Variants in LIMS1 observed in about 807,000 individuals in gnomAD.
LIMS1 encodes the protein LIM zinc finger domain containing 1, also known as LIM and senescent cell antigen-like-containing domain protein 1.
A neutral mutation model predicts 44.1 loss-of-function variants in LIMS1; 18 were observed. That is an observed-to-expected ratio of 0.41 (90% CI 0.28 to 0.61). LIMS1 has a LOEUF of 0.61. LIMS1 is among the 20% of genes least tolerant of loss of function. The pLI, the probability that LIMS1 is intolerant of heterozygous loss-of-function variation, is 0.32. For missense variants in LIMS1, 201 were observed against 422.0 expected (o/e 0.48, Z 4.59); for synonymous variants, 93 against 149.1 (o/e 0.62, Z 2.74).
At position 108,614,185 on chromosome 2, in the gene LIMS1, G is replaced by A. The variant is rs981677189; in HGVS notation, c.33-45420G>A. 2.6e-5 allele frequency among the ~76,000 whole-genome samples: 4 copies of A among 152,252 alleles called. No homozygotes were observed. In the South Asian group the frequency reaches 6.2e-4, roughly 24 times the overall value. On this transcript the variant is annotated intron_variant, in intron 1 of 9. Coordinates refer to ENST00000544547, the Ensembl canonical transcript of LIMS1. ...CTTTTTTCTCATCCGCTTTAAACCT[G>A]TGTTCCCGGTTTGGAAGGCCCATGC...
intron 9 of LIMS1, chr2:108,681,744 G>C: frequency 4.5e-6 from 1 of 222,596 alleles, no homozygotes; most frequent in Non-Finnish European, 7.5e-6. Context: ...TACATGCCTA[G>C]ACCCCATCCG....
exon 10 of LIMS1, chr2:108,687,169 T>G (rs1693357001): frequency 6.6e-6 from 1 of 152,234 alleles, no homozygotes; most frequent in Non-Finnish European, 1.5e-5. Context: ...GATACTATAT[T>G]GGTAATTATG....
At chr2:108,591,789 G>GTT (rs935084572) in intron 1 of LIMS1, among the ~76,000 whole-genome samples, 5 of 91,356 alleles carry the variant, frequency 5.5e-5, no homozygotes, top group African/African-American at 1.4e-4. Flanking sequence ...AATGTTTTTA[G>GTT]TTTTTTTTTT....
intron 1 of LIMS1, among the ~76,000 whole-genome samples, chr2:108,657,001 GTTAATA>G (rs1261727173): frequency 1.3e-5 from 1 of 76,838 alleles, no homozygotes; most frequent in Non-Finnish European, 2.6e-5. Flanking sequence ...AATAGTAAAT[GTTAATA>G]TTAATGTTGT....
At chr2:108,608,338 C>T (rs1024696168) in intron 1 of LIMS1, among the ~76,000 whole-genome samples, 1 of 149,616 alleles carries the variant, frequency 6.7e-6, no homozygotes, top group Non-Finnish European at 1.5e-5. Flanking sequence ...CGGTGTCTCG[C>T]TCTGTCACTC....
At chr2:108,586,555 G>A (rs1686112955) in intron 1 of LIMS1, among the ~76,000 whole-genome samples, 1 of 152,212 alleles carries the variant, frequency 6.6e-6, no homozygotes, top group Non-Finnish European at 1.5e-5. Context: ...AGACCTTCAA[G>A]CATGGTACGT....
chr2:108,609,986 C>CA (rs1472946354), intron 1 of LIMS1, among the ~76,000 whole-genome samples: 2 of 152,010 alleles, frequency 1.3e-5, no homozygotes, highest in East Asian at 1.9e-4. Flanking sequence ...ACTAAAAATA[C>CA]AAAAAAATTT....
At chr2:108,614,678 G>T (rs540148623) in intron 1 of LIMS1, among the ~76,000 whole-genome samples, 1 of 152,258 alleles carries the variant, frequency 6.6e-6, no homozygotes, top group East Asian at 1.9e-4. Flanking sequence ...AATAAATAAA[G>T]GGATAATACA....
chr2:108,613,372 C>A (rs1687763948), intron 1 of LIMS1, among the ~76,000 whole-genome samples: 1 of 152,202 alleles, frequency 6.6e-6, no homozygotes, highest in African/African-American at 2.4e-5. Flanking sequence ...ACATCTGGCT[C>A]ATGCTGTAGT....
chr2:108,590,650 G>C (rs747287247), intron 1 of LIMS1, among the ~76,000 whole-genome samples: 2 of 152,232 alleles, frequency 1.3e-5, no homozygotes, highest in Non-Finnish European at 2.9e-5. Context: ...TGAAGAATTT[G>C]ACAAATGATG....
chr2:108,567,752 A>G (rs1685343796), intron 1 of LIMS1, among the ~76,000 whole-genome samples: 1 of 152,104 alleles, frequency 6.6e-6, no homozygotes, highest in South Asian at 2.1e-4. Context: ...TTGTATTTTT[A>G]GTAGAGGCGG....
chr2:108,676,869 A>C, intron 7 of LIMS1, 171 bp downstream of exon 7: 1 of 703,694 alleles, frequency 1.4e-6, no homozygotes, highest in Non-Finnish European at 2.2e-6. Context: ...AAAATATACA[A>C]AGAATACCTG....
intron 1 of LIMS1, among the ~76,000 whole-genome samples, chr2:108,648,295 A>G (rs1427299260): frequency 2.0e-5 from 3 of 152,206 alleles, no homozygotes. Flanking sequence ...ACTACAAACC[A>G]CTGCTCAAGG....
At chr2:108,606,214 C>T (rs1687260223) in intron 1 of LIMS1, among the ~76,000 whole-genome samples, 1 of 152,218 alleles carries the variant, frequency 6.6e-6, no homozygotes, top group Non-Finnish European at 1.5e-5. Context: ...TTTTAGTTTG[C>T]AAGTTGGAGT....
At chr2:108,558,626 C>T (rs1020203320) in intron 1 of LIMS1, among the ~76,000 whole-genome samples, 1 of 151,784 alleles carries the variant, frequency 6.6e-6, no homozygotes, top group African/African-American at 2.4e-5. Flanking sequence ...TATCCTTTTA[C>T]ATCAACTGTG....
At chr2:108,605,252 T>C (rs1219489635) in intron 1 of LIMS1, among the ~76,000 whole-genome samples, 1 of 152,182 alleles carries the variant, frequency 6.6e-6, no homozygotes, top group East Asian at 1.9e-4. Flanking sequence ...TTGGTCCATG[T>C]GGTACACTGT....
chr2:108,572,419 A>G lies in LIMS1; in HGVS notation c.32+37825A>G, dbSNP rs187519248. ...TTTTTTTGAGGCAGAGTCTTGCTCT[A>G]TTGCCCAGGCTGGAGTGCAGTGGCG... On this transcript the variant is annotated intron_variant, in intron 1 of 9. Transcript: ENST00000544547. Among the ~76,000 whole-genome samples, 343 of 109,112 alleles carry G rather than the reference A, an allele frequency of 3.1e-3. 2 individuals are homozygous for G. In the Admixed American group the frequency reaches 0.032, roughly 10 times the overall value. The allele number at this position is 109,112 out of a possible 152,430, so 71.6% of individuals were successfully genotyped here. A position where few individuals can be genotyped will look rare whatever the true frequency, so the allele number is the denominator to read the frequency against.
chr2:108,675,691 G>T (rs1215369607), intron 5 of LIMS1, among the ~76,000 whole-genome samples, 187 bp from the exon 6 acceptor site: 1 of 152,128 alleles, frequency 6.6e-6, no homozygotes, highest in Non-Finnish European at 1.5e-5. Flanking sequence ...CAGATGTTTT[G>T]GTAGGAGTCT....
At chr2:108,601,713 C>T (rs185702524) in intron 1 of LIMS1, among the ~76,000 whole-genome samples, 22 of 152,296 alleles carry the variant, frequency 1.4e-4, no homozygotes, top group African/African-American at 4.6e-4. Flanking sequence ...GACAGGGTTT[C>T]GCCATGTTGG....
Sources: gnomAD v4.1 joint callset for allele counts (sites outside exome capture counted in the v4.1 genomes callset) on GRCh38, gnomAD v4.1.1 for gene constraint, MANE v1.5 for transcripts, NCBI Gene and HGNC (gene_info 2026-07-23, HGNC 2026-07-21) for gene names.